The following OPN3 variants were observed in gnomAD, a reference collection of about 807,000 sequenced individuals.
OPN3 encodes the protein opsin 3, also known as opsin-3.
In OPN3, 29 loss-of-function variants were observed where a neutral mutation model predicts 33.8. That is an observed-to-expected ratio of 0.86 (90% CI 0.64 to 1.17). OPN3 has a LOEUF of 1.17. OPN3 is among the 50% of genes most tolerant of loss of function. OPN3 has a pLI of 0.00. For synonymous variants in OPN3, 216 were observed against 216.1 expected, an observed-to-expected ratio of 1.00 and a Z score of 0.00; for missense variants, 437 against 514.1, an observed-to-expected ratio of 0.85 and a Z score of 1.45.
intron 2 of OPN3, among the ~76,000 whole-genome samples, chr1:241,603,292 C>T (rs1199087208): frequency 2.6e-5 from 4 of 151,828 alleles, no homozygotes; most frequent in South Asian, 2.1e-4. Flanking sequence ...TTGTTTGGTC[C>T]GATAAATCAG....
At position 241,633,873 on chromosome 1, in the gene OPN3, T is replaced by G. The variant is rs144022344; in HGVS notation, c.373+6009A>C. On this transcript the variant is annotated intron_variant, in intron 1 of 3. Coordinates refer to ENST00000366554, the MANE Select transcript of OPN3 (RefSeq NM_014322.3). The stretch of plus-strand genomic sequence containing the variant: ...GATTCTAGTTTGGCCATTACTACAT[T>G]ATTGGTTCCAGGAGCCTCTGGCTGC... 3.5e-5 allele frequency: 57 copies of G among 1,613,888 alleles called. No individual in the cohort carries two copies. The African/African-American group carries it at 7.1e-4, about 20-fold the overall frequency.
At chr1:241,625,007 G>A (rs1354738071) in intron 1 of OPN3, among the ~76,000 whole-genome samples, 1 of 152,220 alleles carries the variant, frequency 6.6e-6, no homozygotes, top group East Asian at 1.9e-4. Flanking sequence ...CATCCAGTTA[G>A]TGCTAAGTGT....
chr1:241,604,855 A>G (rs990887946), intron 1 of OPN3, among the ~76,000 whole-genome samples: 3 of 152,090 alleles, frequency 2.0e-5, no homozygotes, highest in African/African-American at 7.2e-5. Flanking sequence ...TAGGAGTTCA[A>G]GACCAGCCTG....
chr1:241,605,060 A>T (rs1663789858), intron 1 of OPN3, among the ~76,000 whole-genome samples: 2 of 130,200 alleles, frequency 1.5e-5, no homozygotes, highest in South Asian at 4.8e-4. Flanking sequence ...TATCTCAAAA[A>T]AAAAAAAAAT....
intron 1 of OPN3, chr1:241,634,711 A>G: frequency 1.9e-6 from 3 of 1,614,030 alleles, no homozygotes; most frequent in Non-Finnish European, 2.5e-6. Context: ...CATCTATTGT[A>G]GTGCAAGATG....
At chr1:241,613,205 G>A (rs1290228986) in intron 1 of OPN3, among the ~76,000 whole-genome samples, 1 of 152,104 alleles carries the variant, frequency 6.6e-6, no homozygotes, top group Non-Finnish European at 1.5e-5. Flanking sequence ...CTTATAGAGA[G>A]TACTTACTAT....
intron 1 of OPN3, among the ~76,000 whole-genome samples, chr1:241,608,456 A>G (rs1409567377): frequency 6.6e-6 from 1 of 152,238 alleles, no homozygotes; most frequent in Non-Finnish European, 1.5e-5. Context: ...AGAGACAATA[A>G]AAAAACAAAT....
chr1:241,634,200 C>G (rs1404756804), intron 1 of OPN3: 3 of 1,613,856 alleles, frequency 1.9e-6, no homozygotes, highest in African/African-American at 1.3e-5. Flanking sequence ...ACCACTGATT[C>G]TAAGTCTTCT....
intron 1 of OPN3, chr1:241,633,477 G>A (rs1340777499): frequency 4.2e-6 from 1 of 237,532 alleles, no homozygotes; most frequent in Non-Finnish European, 8.1e-6. Context: ...AAGATCATTA[G>A]CAAATACATT....
intron 1 of OPN3, chr1:241,634,144 T>C: frequency 6.2e-7 from 1 of 1,613,376 alleles, no homozygotes; most frequent in Non-Finnish European, 8.5e-7. Flanking sequence ...TTGTAAGTTC[T>C]TCCTCGTTTA....
At position 241,594,699 on chromosome 1, in the gene OPN3, G is replaced by A. The variant is rs376646156; in HGVS notation, c.946-8C>T. ...CAAAAGGGATCTTCGAAACTGGGCA[G>A]AGAAAAAATAAAGTGGAATATTAAG... On this transcript the variant is annotated splice_region_variant and splice_polypyrimidine_tract_variant and intron_variant, in intron 3 of 3. Coordinates refer to ENST00000366554, the MANE Select transcript of OPN3 (RefSeq NM_014322.3). 60 of 1,606,710 alleles carry A rather than the reference G, an allele frequency of 3.7e-5. No homozygotes were observed. The highest frequency in any genetic ancestry group is 5.1e-5 in the Non-Finnish European group (60 of 1,177,120).
At chr1:241,603,472 G>GTT (rs3835406) in intron 2 of OPN3, among the ~76,000 whole-genome samples, 8 of 147,356 alleles carry the variant, frequency 5.4e-5, no homozygotes, top group Admixed American at 2.0e-4. Context: ...GATGTGTTTT[G>GTT]TTTTTTTTTT....
At chr1:241,636,925 CTGTT>C (rs1398384935) in intron 1 of OPN3, among the ~76,000 whole-genome samples, 3 of 150,452 alleles carry the variant, frequency 2.0e-5, no homozygotes, top group Non-Finnish European at 4.4e-5. Flanking sequence ...AAGACTAACA[CTGTT>C]TGTTCTTATT....
At chr1:241,618,762 T>C (rs1558442318) in intron 1 of OPN3, among the ~76,000 whole-genome samples, 2 of 152,006 alleles carry the variant, frequency 1.3e-5, no homozygotes, top group African/African-American at 2.4e-5. Context: ...TAATGTTCTA[T>C]GGAATGGTTC....
At chr1:241,598,923 G>A (rs1663610226) in intron 2 of OPN3, among the ~76,000 whole-genome samples, 2 of 151,954 alleles carry the variant, frequency 1.3e-5, no homozygotes, top group South Asian at 2.1e-4. Context: ...ACTTAGTATT[G>A]ATTACTTTAT....
chr1:241,632,652 T>G (rs1320487392), intron 1 of OPN3: 1 of 152,112 alleles, frequency 6.6e-6, no homozygotes, highest in Non-Finnish European at 1.5e-5. Context: ...CAAGAGAGAT[T>G]ACAGAAAATT....
intron 1 of OPN3, among the ~76,000 whole-genome samples, chr1:241,605,183 T>G (rs1201828017): frequency 6.6e-6 from 1 of 152,154 alleles, no homozygotes; most frequent in African/African-American, 2.4e-5. Context: ...AACTTTCTCC[T>G]GAAGAGAAAT....
chr1:241,614,977 T>C (rs1478949882), intron 1 of OPN3, among the ~76,000 whole-genome samples: 1 of 152,204 alleles, frequency 6.6e-6, no homozygotes, highest in Non-Finnish European at 1.5e-5. Flanking sequence ...TAGGACCTCA[T>C]TAGAACTTTT....
At chr1:241,635,196 C>T in intron 1 of OPN3, 2 of 1,613,234 alleles carry the variant, frequency 1.2e-6, no homozygotes, top group Non-Finnish European at 1.7e-6. Context: ...TTATCTGAAA[C>T]TGTGTGCATA....
Sources: gnomAD v4.1 joint callset for allele counts (sites outside exome capture counted in the v4.1 genomes callset) on GRCh38, gnomAD v4.1.1 for gene constraint, MANE v1.5 for transcripts, NCBI Gene and HGNC (gene_info 2026-07-23, HGNC 2026-07-21) for gene names.